Variants in SAXO4 observed in about 807,000 individuals in gnomAD.
The protein encoded by SAXO4 is stabilizer of axonemal microtubules 4, also known as protein phosphatase 1 regulatory subunit 32.
the SAXO4 span, among the ~76,000 whole-genome samples, chr11:61,487,401 A>G: frequency 6.6e-6 from 1 of 152,176 alleles, no homozygotes; most frequent in Non-Finnish European, 1.5e-5. Flanking sequence ...CAAGCATGTT[A>G]TCAGGCAGTT....
At chr11:61,484,486 C>T in the SAXO4 span, among the ~76,000 whole-genome samples, 1 of 152,188 alleles carries the variant, frequency 6.6e-6, no homozygotes, top group Non-Finnish European at 1.5e-5. Context: ...CCTTGCAGGC[C>T]ACCAGGAGGA....
the SAXO4 span, chr11:61,487,112 C>T: frequency 6.2e-7 from 1 of 1,612,298 alleles, no homozygotes; most frequent in African/African-American, 1.3e-5. Flanking sequence ...CCCCTTCTGA[C>T]TTGACAATTC....
the SAXO4 span, among the ~76,000 whole-genome samples, chr11:61,484,999 A>C: frequency 6.6e-6 from 1 of 152,156 alleles, no homozygotes. Context: ...AATAGCCTCA[A>C]TGTGGCTTCT....
chr11:61,482,636 A>T, the SAXO4 span: 1 of 1,613,700 alleles, frequency 6.2e-7, no homozygotes, highest in Non-Finnish European at 8.5e-7. Context: ...CTGGGGTTCT[A>T]GCTCCTCCTC....
the SAXO4 span, chr11:61,489,417 C>T: frequency 2.0e-6 from 1 of 510,592 alleles, no homozygotes; most frequent in South Asian, 3.3e-5. Flanking sequence ...GTCTTTGCAC[C>T]CTCTGGACCT....
the SAXO4 span, chr11:61,485,906 G>C: frequency 6.2e-7 from 1 of 1,612,332 alleles, no homozygotes; most frequent in Non-Finnish European, 8.5e-7. Context: ...CCTCCCTGGG[G>C]ACCCTGTAAG....
At chr11:61,486,641 G>A in the SAXO4 span, 2 of 1,598,386 alleles carry the variant, frequency 1.3e-6, no homozygotes, top group Admixed American at 3.3e-5. Context: ...GCTCAGAGAA[G>A]GGAGAAGACA....
At chr11:61,486,906 T>G in the SAXO4 span, 2 of 1,557,380 alleles carry the variant, frequency 1.3e-6, no homozygotes, top group Non-Finnish European at 1.8e-6. Flanking sequence ...TGCCTCAGGC[T>G]GGCCACCTCA....
the SAXO4 span, chr11:61,482,414 C>A: frequency 6.2e-7 from 1 of 1,614,072 alleles, no homozygotes; most frequent in African/African-American, 1.3e-5. Flanking sequence ...AGGCCTTAGA[C>A]AACCCGGCCA....
the SAXO4 span, chr11:61,482,926 G>C: frequency 2.8e-6 from 3 of 1,058,760 alleles, no homozygotes; most frequent in African/African-American, 3.2e-5. Flanking sequence ...ACCTTGTAGG[G>C]ATGGGGTCCA....
At chr11:61,490,358 G>T in the SAXO4 span, 9 of 760,340 alleles carry the variant, frequency 1.2e-5, no homozygotes, top group Non-Finnish European at 2.1e-5. Flanking sequence ...CCCAGAGTTG[G>T]CAGGCAAAGA....
At chr11:61,484,740 G>T in the SAXO4 span, 3 of 1,613,572 alleles carry the variant, frequency 1.9e-6, no homozygotes, top group South Asian at 2.2e-5. Flanking sequence ...GCCATCACGG[G>T]GCTGGAGCCC....
the SAXO4 span, chr11:61,485,883 C>A: frequency 6.2e-7 from 1 of 1,613,942 alleles, no homozygotes; most frequent in Non-Finnish European, 8.5e-7. Context: ...GTCTTCCAAC[C>A]GCCCTCACAG....
At chr11:61,485,778 C>T in the SAXO4 span, 2 of 1,602,760 alleles carry the variant, frequency 1.2e-6, no homozygotes, top group African/African-American at 1.3e-5. Context: ...CCTGGCAGCA[C>T]ACAGGGCATT....
At chr11:61,490,055 G>A in the SAXO4 span, 235 of 1,118,338 alleles carry the variant, frequency 2.1e-4, 1 homozygote, top group South Asian at 3.7e-4. Flanking sequence ...ATTCCTATGA[G>A]AGGCCCATCT....
the SAXO4 span, chr11:61,484,912 C>A: frequency 1.4e-6 from 2 of 1,426,504 alleles, no homozygotes; most frequent in Non-Finnish European, 1.9e-6. Flanking sequence ...CTGACTCACC[C>A]AAGAAGCCAG....
the SAXO4 span, chr11:61,489,375 A>G: frequency 9.5e-6 from 4 of 421,796 alleles, no homozygotes; most frequent in South Asian, 4.2e-5. Flanking sequence ...CCCCCTCTTC[A>G]TAAGTTCAAG....
chr11:61,490,355 T>C, the SAXO4 span: 50 of 755,110 alleles, frequency 6.6e-5, no homozygotes, highest in Middle Eastern at 9.5e-4. Flanking sequence ...TGGCCCAGAG[T>C]TGGCAGGCAA....
At chr11:61,484,692 G>T in the SAXO4 span, 6 of 1,613,540 alleles carry the variant, frequency 3.7e-6, no homozygotes, top group Non-Finnish European at 5.1e-6. Context: ...TCCCAGGTCC[G>T]GAAGGTCCAT....
Sources: gnomAD v4.1 joint callset for allele counts (sites outside exome capture counted in the v4.1 genomes callset) on GRCh38, gnomAD v4.1.1 for gene constraint, MANE v1.5 for transcripts, NCBI Gene and HGNC (gene_info 2026-07-23, HGNC 2026-07-21) for gene names.